ROBO2: variants seen among roughly 807,000 people sequenced by gnomAD.
ROBO2 encodes the protein roundabout homolog 2.
ROBO2 carries 53 observed loss-of-function variants against 160.8 expected under a neutral mutation model. The ratio of observed to expected loss-of-function variants is 0.33; its 90% CI spans 0.26 to 0.41. ROBO2 has a LOEUF of 0.41. Ranked by LOEUF, ROBO2 falls within the 10% of genes least tolerant of loss-of-function variation. ROBO2 has a pLI of 1.00. For synonymous variants in ROBO2, 664 were observed against 611.7 expected (o/e 1.09, Z -1.26); for missense variants, 1,577 against 1,722.4 (o/e 0.92, Z 1.49).
intron 2 of ROBO2, among the ~76,000 whole-genome samples, chr3:75,974,119 C>T (rs2065072050): frequency 6.6e-6 from 1 of 151,588 alleles, no homozygotes. Flanking sequence ...ACTGAAGGGA[C>T]ATTGGGATTG....
intron 2 of ROBO2, among the ~76,000 whole-genome samples, chr3:76,071,516 G>A (rs942953649): frequency 1.9e-4 from 29 of 151,898 alleles, no homozygotes; most frequent in African/African-American, 5.3e-4. Flanking sequence ...ATTTCAACCC[G>A]GTTTATGTGC....
intron 2 of ROBO2, among the ~76,000 whole-genome samples, chr3:76,004,710 T>C (rs1170936112): frequency 1.3e-5 from 2 of 152,158 alleles, no homozygotes; most frequent in Non-Finnish European, 2.9e-5. Flanking sequence ...CAAATACCGT[T>C]ATATTGGGTA....
At chr3:77,547,287 A>G (rs1240355467) in intron 7 of ROBO2, among the ~76,000 whole-genome samples, 1 of 152,118 alleles carries the variant, frequency 6.6e-6, no homozygotes, top group East Asian at 1.9e-4. Context: ...GTGCATTCCC[A>G]TGGGACCTGG....
intron 2 of ROBO2, among the ~76,000 whole-genome samples, chr3:76,461,456 A>C (rs770226958): frequency 2.0e-5 from 3 of 152,182 alleles, no homozygotes; most frequent in Non-Finnish European, 2.9e-5. Flanking sequence ...TATGATGAAA[A>C]TATAGAGAAA....
chr3:76,602,589 T>A (rs113003623), intron 2 of ROBO2, among the ~76,000 whole-genome samples: 15,589 of 152,194 alleles, frequency 0.1, 982 homozygotes, highest in East Asian at 0.26. Flanking sequence ...CCATCAGATC[T>A]CATGAGACTC....
At chr3:77,301,114 C>T (rs2062620793) in intron 2 of ROBO2, among the ~76,000 whole-genome samples, 1 of 151,950 alleles carries the variant, frequency 6.6e-6, no homozygotes, top group Non-Finnish European at 1.5e-5. Context: ...GTTGATCCAC[C>T]CACCTTGGTC....
chr3:77,207,947 A>G (rs2151072015), intron 2 of ROBO2, among the ~76,000 whole-genome samples: 1 of 152,260 alleles, frequency 6.6e-6, no homozygotes, highest in Non-Finnish European at 1.5e-5. Flanking sequence ...ACACAACAGG[A>G]GCTTGTGATG....
At chr3:76,762,219 A>G (rs2061345001) in intron 2 of ROBO2, among the ~76,000 whole-genome samples, 1 of 151,670 alleles carries the variant, frequency 6.6e-6, no homozygotes, top group Non-Finnish European at 1.5e-5. Context: ...ATTTTATGCA[A>G]TTGCCTTTGT....
At position 77,284,573 on chromosome 3, in the gene ROBO2, A is replaced by G. The variant is rs751706820; in HGVS notation, c.388+186233A>G. Among the ~76,000 whole-genome samples, 28 of 152,268 alleles carry G rather than the reference A, an allele frequency of 1.8e-4. No homozygotes were observed. The Middle Eastern group carries it at 0.014, about 74-fold the overall frequency. ...AGAGGGTTTCAAACTACATTACTGT[A>G]GTCTGTTCATCTTCACTAGTCAAAC... On this transcript the variant is annotated intron_variant, in intron 2 of 25. Coordinates refer to ENST00000461745, the Ensembl canonical transcript of ROBO2.
At chr3:77,173,910 T>C (rs943386507) in intron 2 of ROBO2, among the ~76,000 whole-genome samples, 5 of 152,108 alleles carry the variant, frequency 3.3e-5, no homozygotes, top group African/African-American at 1.2e-4. Context: ...TCCAAACACC[T>C]ACCATCTGGC....
chr3:76,813,282 T>A (rs1018461214), intron 2 of ROBO2, among the ~76,000 whole-genome samples: 3 of 152,124 alleles, frequency 2.0e-5, no homozygotes, highest in Admixed American at 6.6e-5. Context: ...GCCAAAGAAT[T>A]CACAAAGTAC....
At chr3:76,399,242 G>C (rs1358317025) in intron 2 of ROBO2, among the ~76,000 whole-genome samples, 1 of 151,568 alleles carries the variant, frequency 6.6e-6, no homozygotes, top group Non-Finnish European at 1.5e-5. Context: ...AAGATAAGTA[G>C]AGAAACAGAA....
chr3:76,212,994 G>A (rs1452764444), intron 2 of ROBO2, among the ~76,000 whole-genome samples: 1 of 152,100 alleles, frequency 6.6e-6, no homozygotes, highest in Non-Finnish European at 1.5e-5. Flanking sequence ...GGCCTATTTT[G>A]TAAGTTAAAC....
chr3:76,191,383 C>T (rs539856010), intron 2 of ROBO2, among the ~76,000 whole-genome samples: 1 of 152,176 alleles, frequency 6.6e-6, no homozygotes, highest in South Asian at 2.1e-4. Context: ...TAAATAGCTT[C>T]GCAAATCATG....
intron 2 of ROBO2, among the ~76,000 whole-genome samples, chr3:76,768,102 C>T (rs145576153): frequency 1.1e-3 from 171 of 151,250 alleles, no homozygotes; most frequent in Non-Finnish European, 1.9e-3. Flanking sequence ...TATCAGTGTA[C>T]GTCCTATGAT....
At chr3:77,363,742 G>A (rs1179604593) in intron 2 of ROBO2, among the ~76,000 whole-genome samples, 1 of 152,156 alleles carries the variant, frequency 6.6e-6, no homozygotes, top group Non-Finnish European at 1.5e-5. Context: ...ACTGGAATGA[G>A]GGTCTTCAAG....
chr3:76,770,641 C>G (rs2061843245), intron 2 of ROBO2, among the ~76,000 whole-genome samples: 1 of 150,952 alleles, frequency 6.6e-6, no homozygotes, highest in African/African-American at 2.4e-5. Context: ...GTTGCAAAGG[C>G]TATGGAGAAA....
chr3:77,625,732 G>C (rs376429230), intron 23 of ROBO2, among the ~76,000 whole-genome samples: 1 of 152,078 alleles, frequency 6.6e-6, no homozygotes. Context: ...CATTAGCTAA[G>C]AATGGTTTTT....
At chr3:76,430,895 A>C (rs1277771906) in intron 2 of ROBO2, among the ~76,000 whole-genome samples, 2 of 151,990 alleles carry the variant, frequency 1.3e-5, no homozygotes, top group African/African-American at 4.8e-5. Flanking sequence ...AAAATATTTC[A>C]ATTATTTATT....
Sources: gnomAD v4.1 joint callset for allele counts (sites outside exome capture counted in the v4.1 genomes callset) on GRCh38, gnomAD v4.1.1 for gene constraint, MANE v1.5 for transcripts, NCBI Gene and HGNC (gene_info 2026-07-23, HGNC 2026-07-21) for gene names.